The following STT3B variants were observed in gnomAD, a reference collection of about 807,000 sequenced individuals.
STT3B encodes the protein STT3 oligosaccharyltransferase complex catalytic subunit B.
Under a neutral mutation model 96.8 loss-of-function variants are expected in STT3B, and 29 were observed. The observed-to-expected ratio is 0.30, with a 90% CI of 0.22 to 0.41. STT3B has a LOEUF of 0.41. Among genes scored for constraint, STT3B ranks in the 10% least tolerant of loss-of-function variants. The probability of loss-of-function intolerance (pLI) is 1.00; values close to 1 mark genes in which losing one functional copy is unlikely to be tolerated. For missense variants in STT3B, 640 were observed against 1,022.3 expected (o/e 0.63, Z 5.10); for synonymous variants, 367 against 360.0 (o/e 1.02, Z -0.22).
chr3:31,589,078 C>A (rs1435362779), intron 3 of STT3B, among the ~76,000 whole-genome samples: 1 of 152,062 alleles, frequency 6.6e-6, no homozygotes, highest in Non-Finnish European at 1.5e-5. Context: ...CATGGAATAT[C>A]TCTCTGTTTA....
At chr3:31,588,729 T>C (rs1698601871) in intron 3 of STT3B, among the ~76,000 whole-genome samples, 1 of 152,092 alleles carries the variant, frequency 6.6e-6, no homozygotes, top group Admixed American at 6.6e-5. Flanking sequence ...TTTTTTTGTA[T>C]GTGGTTGTCC....
At chr3:31,583,060 T>A (rs553778473) in intron 3 of STT3B, among the ~76,000 whole-genome samples, 1 of 152,344 alleles carries the variant, frequency 6.6e-6, no homozygotes, top group Admixed American at 6.5e-5. Flanking sequence ...TAGACCTAGT[T>A]GGTTTGTTGT....
At chr3:31,634,038 A>T (rs1394413265) in intron 15 of STT3B, among the ~76,000 whole-genome samples, 1 of 152,206 alleles carries the variant, frequency 6.6e-6, no homozygotes, top group Non-Finnish European at 1.5e-5. Context: ...TTGTACTATA[A>T]AAGTGCTGAA....
rs899979677 is a variant in STT3B, at chr3:31,532,935, A to G, written c.-64A>G. 474 of 1,527,030 alleles carry G rather than the reference A, an allele frequency of 3.1e-4. No individual in the cohort carries two copies. Among genetic ancestry groups the G allele is most frequent in the Non-Finnish European group, 4.0e-4 (454 of 1,140,454 alleles). 94.6% of individuals were successfully genotyped at this position (1,527,030 alleles called of 1,614,324 possible). A position where few individuals can be genotyped will look rare whatever the true frequency, so the allele number is the denominator to read the frequency against. On this transcript the variant is annotated 5_prime_UTR_variant, in exon 1 of 16. Coordinates refer to ENST00000295770, the MANE Select transcript of STT3B (RefSeq NM_178862.3). ...CTCCTCCTCCTCCGGGTCCCCGCCCAGCACCCCTCGCACCAGGCGGCGGCG... is the reference window on the plus strand; with the variant it reads ...CTCCTCCTCCTCCGGGTCCCCGCCCGGCACCCCTCGCACCAGGCGGCGGCG...
intron 1 of STT3B, among the ~76,000 whole-genome samples, chr3:31,566,799 G>C (rs1023248235): frequency 2.0e-5 from 3 of 152,090 alleles, no homozygotes; most frequent in Non-Finnish European, 4.4e-5. Flanking sequence ...GTTTCAAACT[G>C]TAATTACCTG....
At chr3:31,557,806 A>G (rs10865834) in intron 1 of STT3B, among the ~76,000 whole-genome samples, 100,527 of 151,830 alleles carry the variant, frequency 0.66, 34,314 homozygotes, top group Non-Finnish European at 0.75. Flanking sequence ...CTAATTTTTC[A>G]CATTTTTAGT....
intron 5 of STT3B, among the ~76,000 whole-genome samples, chr3:31,607,965 C>T (rs1699092685): frequency 6.6e-6 from 1 of 152,094 alleles, no homozygotes; most frequent in South Asian, 2.1e-4. Flanking sequence ...CCAGTATTTA[C>T]AGTGGTATTC....
At chr3:31,581,885 T>G (rs1698412135) in intron 3 of STT3B, among the ~76,000 whole-genome samples, 1 of 152,212 alleles carries the variant, frequency 6.6e-6, no homozygotes. Flanking sequence ...AAGTTGTCTC[T>G]GCAGATTCTC....
chr3:31,552,655 T>C (rs1697589921), intron 1 of STT3B, among the ~76,000 whole-genome samples: 1 of 152,218 alleles, frequency 6.6e-6, no homozygotes, highest in Admixed American at 6.5e-5. Context: ...TCTCCTCTTT[T>C]CCTGCCTTTT....
intron 1 of STT3B, among the ~76,000 whole-genome samples, chr3:31,553,138 G>A (rs1697612715): frequency 6.6e-6 from 1 of 151,874 alleles, no homozygotes; most frequent in African/African-American, 2.4e-5. Flanking sequence ...AACTTGATAG[G>A]GAGGAACTGG....
chr3:31,547,507 A>G (rs939311083), intron 1 of STT3B, among the ~76,000 whole-genome samples: 4 of 152,074 alleles, frequency 2.6e-5, no homozygotes, highest in African/African-American at 9.7e-5. Flanking sequence ...TCAGCCGGGC[A>G]TGGTGGTGCA....
At chr3:31,613,729 G>A (rs1699237705) in intron 5 of STT3B, among the ~76,000 whole-genome samples, 1 of 151,686 alleles carries the variant, frequency 6.6e-6, no homozygotes, top group African/African-American at 2.4e-5. Context: ...TCAACAGGCT[G>A]ATTTGTTTAA....
At chr3:31,552,190 A>G (rs1165451151) in intron 1 of STT3B, among the ~76,000 whole-genome samples, 1 of 152,226 alleles carries the variant, frequency 6.6e-6, no homozygotes, top group African/African-American at 2.4e-5. Context: ...TGTATAAGCA[A>G]TAGGAAACTA....
intron 3 of STT3B, among the ~76,000 whole-genome samples, chr3:31,581,218 A>C (rs1698376244): frequency 6.6e-6 from 1 of 152,106 alleles, no homozygotes. Context: ...GCTTTGTGAT[A>C]ATGGGTTTTC....
intron 1 of STT3B, among the ~76,000 whole-genome samples, chr3:31,548,099 C>T (rs1697459963): frequency 6.6e-6 from 1 of 152,168 alleles, no homozygotes; most frequent in Non-Finnish European, 1.5e-5. Flanking sequence ...TGATTCCAGC[C>T]ATTGCATGAT....
chr3:31,606,680 AC>A (rs1225138062), intron 5 of STT3B, among the ~76,000 whole-genome samples: 22 of 152,316 alleles, frequency 1.4e-4, no homozygotes, highest in African/African-American at 5.3e-4. Flanking sequence ...CTCAAAGAGA[AC>A]CTTTGCTAGG....
At chr3:31,584,019 CCT>C (rs1698478718) in intron 3 of STT3B, among the ~76,000 whole-genome samples, 1 of 152,122 alleles carries the variant, frequency 6.6e-6, no homozygotes, top group South Asian at 2.1e-4. Flanking sequence ...AAGACTTACA[CCT>C]CTGTTTCCTT....
chr3:31,633,054 A>G lies in STT3B; in HGVS notation c.2307A>G (p.Ile769Met). 1 of 1,614,154 alleles carries G rather than the reference A, an allele frequency of 6.2e-7. No individual in the cohort carries two copies. The highest frequency in any genetic ancestry group is 1.1e-5 in the South Asian group (1 of 91,086). Residue 769 changes from isoleucine (I) to methionine (M), a missense_variant, in exon 15 of 16, where the codon ATA (isoleucine) becomes ATG (methionine). Transcript: ENST00000295770. ...CATCAGAACACTGGCTTGTTAGGAT[A>G]TATAAAGTAAAAGCACCTGATAACA... ...AFTSEHWLVR[I>M]YKVKAPDNRE...
intron 11 of STT3B, among the ~76,000 whole-genome samples, chr3:31,624,245 A>G (rs753954076): frequency 2.6e-5 from 4 of 152,114 alleles, no homozygotes; most frequent in Admixed American, 6.6e-5. Flanking sequence ...CGCCCCTGCC[A>G]GCCTCTGCCT....
Sources: allele counts gnomAD v4.1 joint callset (sites outside exome capture counted in the v4.1 genomes callset), GRCh38; gene constraint gnomAD v4.1.1; transcripts MANE v1.5; gene names NCBI Gene and HGNC (gene_info 2026-07-23, HGNC 2026-07-21).